Variants in MMS22L observed in about 807,000 individuals in gnomAD.
MMS22L encodes MMS22 like, DNA repair protein.
A neutral mutation model predicts 159.1 loss-of-function variants in MMS22L; 74 were observed. That is an observed-to-expected ratio of 0.47 (90% CI 0.39 to 0.56). The LOEUF (loss-of-function observed/expected upper bound fraction) is 0.56, where lower values mean the gene tolerates loss of function less well. Ranked by LOEUF, MMS22L falls within the 20% of genes least tolerant of loss-of-function variation. The pLI, the probability that MMS22L is intolerant of heterozygous loss-of-function variation, is 0.00. For synonymous variants in MMS22L, 517 were observed against 506.9 expected (o/e 1.02, Z -0.27); for missense variants, 1,351 against 1,422.1 (o/e 0.95, Z 0.80).
In MMS22L at chr6:97,272,961, A is replaced by C. The variant is rs1376788360; in HGVS notation, c.428+14T>G. 6.2e-7 allele frequency: 1 copy of C among 1,609,582 alleles called. No individual in the cohort carries two copies. The stretch of plus-strand genomic sequence containing the variant: ...AATTCATGCAGTGATCAAAATACTC[A>C]TCTGATATCCTACCTGAAGATGAAA... On this transcript the variant is annotated intron_variant, in intron 5 of 24. Transcript: ENST00000683635.
At chr6:97,265,704 G>A (rs1815023018) in intron 8 of MMS22L, 2 of 151,556 alleles carry the variant, frequency 1.3e-5, no homozygotes, top group African/African-American at 4.8e-5. Flanking sequence ...AATATAAACA[G>A]ACGTTTTCTT....
chr6:97,252,384 T>C (rs1014546038), intron 10 of MMS22L, among the ~76,000 whole-genome samples: 3 of 152,014 alleles, frequency 2.0e-5, no homozygotes, highest in Non-Finnish European at 2.9e-5. Flanking sequence ...CCAGCACTTT[T>C]GGGAGGCCGA....
At chr6:97,253,117 G>A (rs1021209895) in intron 10 of MMS22L, among the ~76,000 whole-genome samples, 2 of 152,168 alleles carry the variant, frequency 1.3e-5, no homozygotes, top group African/African-American at 4.8e-5. Context: ...ACTGGGCCGT[G>A]TGTGAACTTC....
intron 14 of MMS22L, among the ~76,000 whole-genome samples, chr6:97,192,049 G>C (rs981640679): frequency 9.9e-5 from 15 of 152,078 alleles, no homozygotes; most frequent in African/African-American, 3.4e-4. Context: ...AATTGTCAGG[G>C]AGAAACCAGG....
chr6:97,165,016 G>A (rs1325271724), intron 21 of MMS22L, among the ~76,000 whole-genome samples: 1 of 152,078 alleles, frequency 6.6e-6, no homozygotes, highest in African/African-American at 2.4e-5. Flanking sequence ...CATATATAAG[G>A]AAGGTAATAG....
intron 22 of MMS22L, 82 bp from the exon 23 acceptor site, chr6:97,151,949 GA>G: frequency 1.0e-6 from 1 of 989,674 alleles, no homozygotes. Context: ...TCTTGATTTA[GA>G]AAAATATGTT....
chr6:97,186,288 T>C (rs530744694), intron 15 of MMS22L, among the ~76,000 whole-genome samples: 1 of 152,302 alleles, frequency 6.6e-6, no homozygotes. Context: ...ATTTTCAGGA[T>C]AGAAAATTAT....
At chr6:97,173,687 T>C (rs1185028441) in intron 18 of MMS22L, among the ~76,000 whole-genome samples, 2 of 152,076 alleles carry the variant, frequency 1.3e-5, no homozygotes, top group African/African-American at 4.8e-5. Flanking sequence ...AGCTTTATTA[T>C]ATGAATTCAC....
At chr6:97,191,854 T>C (rs886598079) in intron 14 of MMS22L, among the ~76,000 whole-genome samples, 1 of 152,126 alleles carries the variant, frequency 6.6e-6, no homozygotes. Context: ...AATGGCATTA[T>C]CAGAAAAACA....
At chr6:97,231,251 C>T (rs1252270317) in intron 13 of MMS22L, 175 bp downstream of exon 13, 8 of 577,310 alleles carry the variant, frequency 1.4e-5, no homozygotes, top group East Asian at 8.6e-5. Flanking sequence ...TACCTACCAA[C>T]GTACAACTTG....
At chr6:97,162,193 T>G (rs1802517145) in intron 21 of MMS22L, 28 bp from the exon 22 acceptor site, 1 of 1,577,204 alleles carries the variant, frequency 6.3e-7, no homozygotes, top group Admixed American at 2.0e-5. Flanking sequence ...TTGTTTATTC[T>G]CTGCTTAAAG....
At chr6:97,261,051 A>C (rs1814422215) in intron 9 of MMS22L, 1 of 152,092 alleles carries the variant, frequency 6.6e-6, no homozygotes, top group Non-Finnish European at 1.5e-5. Flanking sequence ...CTTTCTTATC[A>C]GTTCTCCGAT....
chr6:97,214,163 G>A (rs1808708851), intron 14 of MMS22L, among the ~76,000 whole-genome samples: 1 of 152,066 alleles, frequency 6.6e-6, no homozygotes, highest in Admixed American at 6.6e-5. Context: ...CATTTACACT[G>A]CTGTGAATGG....
At chr6:97,169,832 G>C (rs1803338678) in intron 19 of MMS22L, among the ~76,000 whole-genome samples, 2 of 152,046 alleles carry the variant, frequency 1.3e-5, no homozygotes, top group Admixed American at 1.3e-4. Context: ...GTGCAATACA[G>C]GTATGTTTCA....
intron 14 of MMS22L, among the ~76,000 whole-genome samples, chr6:97,187,602 C>T (rs1465983140): frequency 2.0e-5 from 3 of 151,618 alleles, no homozygotes; most frequent in African/African-American, 7.3e-5. Flanking sequence ...ATACAGAAAG[C>T]AGCAAAAAAT....
At chr6:97,188,351 C>T (rs1805472865) in intron 14 of MMS22L, among the ~76,000 whole-genome samples, 1 of 152,162 alleles carries the variant, frequency 6.6e-6, no homozygotes, top group African/African-American at 2.4e-5. Context: ...ATTTTATTTA[C>T]TAACTAAAAC....
At chr6:97,215,155 A>G (rs1808873390) in intron 14 of MMS22L, among the ~76,000 whole-genome samples, 1 of 149,984 alleles carries the variant, frequency 6.7e-6, no homozygotes, top group South Asian at 2.1e-4. Flanking sequence ...GTTCACCACC[A>G]AAGAGCTCAA....
chr6:97,225,023 G>A (rs1810071299), intron 14 of MMS22L, among the ~76,000 whole-genome samples: 1 of 152,078 alleles, frequency 6.6e-6, no homozygotes, highest in African/African-American at 2.4e-5. Flanking sequence ...TTTTAGATGA[G>A]CCACAAAAAA....
chr6:97,272,569 T>TA, intron 6 of MMS22L, 135 bp downstream of exon 6: 1 of 711,456 alleles, frequency 1.4e-6, no homozygotes, highest in Non-Finnish European at 2.3e-6. Flanking sequence ...AAAAGGAGGA[T>TA]GGGGGGCAAG....
Sources: gnomAD v4.1 joint callset for allele counts (sites outside exome capture counted in the v4.1 genomes callset) on GRCh38, gnomAD v4.1.1 for gene constraint, MANE v1.5 for transcripts, NCBI Gene and HGNC (gene_info 2026-07-23, HGNC 2026-07-21) for gene names.